Variants in NRG1 observed in about 807,000 individuals in gnomAD.
NRG1 encodes neuregulin 1.
A neutral mutation model predicts 63.8 loss-of-function variants in NRG1; 18 were observed. The ratio of observed to expected loss-of-function variants is 0.28; its 90% confidence interval spans 0.19 to 0.42. The LOEUF is 0.42. Ranked by LOEUF, NRG1 falls within the 10% of genes least tolerant of loss-of-function variation. NRG1 has a pLI of 1.00. For synonymous variants in NRG1, 302 were observed against 301.3 expected (o/e 1.00, Z -0.02); for missense variants, 762 against 814.7 (o/e 0.94, Z 0.79).
intron 1 of NRG1, among the ~76,000 whole-genome samples, chr8:32,260,902 T>C (rs2129471540): frequency 6.6e-6 from 1 of 152,294 alleles, no homozygotes; most frequent in South Asian, 2.1e-4. Context: ...CTCACTTTTT[T>C]CCCTATTGTT....
chr8:32,526,618 CT>C (rs1830870832), intron 1 of NRG1, among the ~76,000 whole-genome samples: 1 of 152,072 alleles, frequency 6.6e-6, no homozygotes, highest in African/African-American at 2.4e-5. Flanking sequence ...CTGGAGTCCC[CT>C]CTCTCTCACT....
At chr8:32,464,227 G>A (rs1020306746) in intron 1 of NRG1, among the ~76,000 whole-genome samples, 4 of 151,188 alleles carry the variant, frequency 2.6e-5, no homozygotes, top group Non-Finnish European at 4.4e-5. Context: ...AATAATGTCT[G>A]GTATTTTTTT....
At chr8:31,933,987 A>T (rs1413251933) in intron 1 of NRG1, among the ~76,000 whole-genome samples, 3 of 152,330 alleles carry the variant, frequency 2.0e-5, no homozygotes, top group African/African-American at 4.8e-5. Flanking sequence ...CATTTCATTT[A>T]TATTTTATAA....
At chr8:32,033,241 C>T (rs1189414995) in intron 1 of NRG1, among the ~76,000 whole-genome samples, 7 of 151,888 alleles carry the variant, frequency 4.6e-5, no homozygotes, top group Non-Finnish European at 1.0e-4. Flanking sequence ...ACTACAGGCA[C>T]CCACCACCAT....
chr8:31,999,477 A>G (rs966938636), intron 1 of NRG1, among the ~76,000 whole-genome samples: 1 of 152,066 alleles, frequency 6.6e-6, no homozygotes, highest in Non-Finnish European at 1.5e-5. Context: ...CAAAAGATGT[A>G]CTAACTGAAA....
intron 1 of NRG1, among the ~76,000 whole-genome samples, chr8:31,772,769 A>G (rs1313743028): frequency 6.6e-6 from 1 of 152,202 alleles, no homozygotes; most frequent in Non-Finnish European, 1.5e-5. Flanking sequence ...TTGTAATGGC[A>G]AAGGGGGAAC....
intron 1 of NRG1, among the ~76,000 whole-genome samples, chr8:31,881,781 A>G (rs1236061734): frequency 1.3e-5 from 2 of 152,146 alleles, no homozygotes; most frequent in African/African-American, 4.8e-5. Context: ...CAGCCACAAC[A>G]TTCTCTTAAG....
chr8:31,937,112 T>C (rs1027679887), intron 1 of NRG1, among the ~76,000 whole-genome samples: 11 of 152,198 alleles, frequency 7.2e-5, no homozygotes, highest in African/African-American at 2.7e-4. Flanking sequence ...GTCAGCCTTC[T>C]CTCTTCTTTC....
At chr8:32,640,518 C>T (rs778417600) in intron 5 of NRG1, among the ~76,000 whole-genome samples, 10 of 151,688 alleles carry the variant, frequency 6.6e-5, no homozygotes, top group Non-Finnish European at 1.5e-4. Context: ...GAGTTTATCA[C>T]GTTTGATAAG....
At chr8:31,828,594 C>A (rs1824806763) in intron 1 of NRG1, among the ~76,000 whole-genome samples, 1 of 152,186 alleles carries the variant, frequency 6.6e-6, no homozygotes, top group African/African-American at 2.4e-5. Context: ...ATAAGCTACC[C>A]TGGCAGAAAG....
At chr8:32,162,719 G>A (rs1035492156) in intron 1 of NRG1, among the ~76,000 whole-genome samples, 5 of 152,034 alleles carry the variant, frequency 3.3e-5, no homozygotes, top group Non-Finnish European at 5.9e-5. Flanking sequence ...GAAAATTGGA[G>A]AGTGGGTTAG....
At chr8:32,232,561 A>G (rs1288079749) in intron 1 of NRG1, among the ~76,000 whole-genome samples, 14 of 152,114 alleles carry the variant, frequency 9.2e-5, no homozygotes, top group Non-Finnish European at 2.1e-4. Context: ...AAACCTGGCT[A>G]CCCAGACTAC....
At chr8:32,663,153 T>C (rs1328633896) in intron 5 of NRG1, among the ~76,000 whole-genome samples, 1 of 152,186 alleles carries the variant, frequency 6.6e-6, no homozygotes, top group African/African-American at 2.4e-5. Flanking sequence ...TTCATCTTGT[T>C]CAGCATTCAA....
chr8:32,252,486 T>TA (rs1185870293), intron 1 of NRG1, among the ~76,000 whole-genome samples: 1 of 152,288 alleles, frequency 6.6e-6, no homozygotes, highest in African/African-American at 2.4e-5. Flanking sequence ...GTCAGGTTTG[T>TA]AAAAAATCAG....
chr8:32,482,020 A>G (rs1285707718), intron 1 of NRG1, among the ~76,000 whole-genome samples: 1 of 152,206 alleles, frequency 6.6e-6, no homozygotes, highest in Non-Finnish European at 1.5e-5. Context: ...TTTTCATTCT[A>G]TAGACAATTT....
At chr8:31,999,749 A>G (rs1812619968) in intron 1 of NRG1, among the ~76,000 whole-genome samples, 1 of 151,984 alleles carries the variant, frequency 6.6e-6, no homozygotes, top group Non-Finnish European at 1.5e-5. Flanking sequence ...TCTTATAATC[A>G]TGTAAAGAAA....
intron 1 of NRG1, among the ~76,000 whole-genome samples, chr8:32,256,920 G>A (rs1327849705): frequency 6.6e-6 from 1 of 152,202 alleles, no homozygotes; most frequent in Non-Finnish European, 1.5e-5. Context: ...GTTCCAGGGA[G>A]ATGGGAGTTT....
intron 1 of NRG1, among the ~76,000 whole-genome samples, chr8:32,578,762 G>C (rs2466069): frequency 6.6e-6 from 1 of 151,958 alleles, no homozygotes; most frequent in African/African-American, 2.4e-5. Flanking sequence ...CTGATCTATA[G>C]TTTTCCCTTG....
At position 32,645,632 on chromosome 8, in the gene NRG1, A is replaced by T. The variant is rs1197835142; in HGVS notation, c.502+28747A>T. Among the ~76,000 whole-genome samples the T allele has an allele frequency of 2.0e-5, 3 of 152,198 alleles. No homozygotes were observed. In the South Asian group the frequency reaches 6.2e-4, roughly 31 times the overall value. On this transcript the variant is annotated intron_variant, in intron 5 of 11. Transcript: ENST00000356819. The stretch of plus-strand genomic sequence containing the variant: ...TAAAGCGGATTTTCTCAGGACTTGA[A>T]TTCTAAATTTTACTGCTTCAGGGAC...
Sources: allele counts gnomAD v4.1 joint callset (sites outside exome capture counted in the v4.1 genomes callset), GRCh38; gene constraint gnomAD v4.1.1; transcripts MANE v1.5; gene names NCBI Gene and HGNC (gene_info 2026-07-23, HGNC 2026-07-21).